Variants in TRPM6 observed in about 807,000 individuals in gnomAD.
TRPM6 encodes the protein channel kinase 2.
Under a neutral mutation model 247.6 loss-of-function variants are expected in TRPM6, and 111 were observed. The observed-to-expected ratio is 0.45, with a 90% CI of 0.38 to 0.52. TRPM6 has a LOEUF of 0.52. Ranked by LOEUF, TRPM6 falls within the 20% of genes least tolerant of loss-of-function variation. The probability of loss-of-function intolerance (pLI) is 0.00; values close to 1 mark genes in which losing one functional copy is unlikely to be tolerated. For missense variants in TRPM6, 2,126 were observed against 2,421.5 expected (o/e 0.88, Z 2.56); for synonymous variants, 892 against 853.8 (o/e 1.04, Z -0.78).
At chr9:74,869,993 T>A (rs148199475) in intron 1 of TRPM6, among the ~76,000 whole-genome samples, 106 of 152,282 alleles carry the variant, frequency 7.0e-4, no homozygotes, top group African/African-American at 2.5e-3. Flanking sequence ...GGTTGCCAAC[T>A]TCAGCATTTA....
chr9:74,815,132 G>A (rs1295268319), intron 11 of TRPM6, among the ~76,000 whole-genome samples: 2 of 152,040 alleles, frequency 1.3e-5, no homozygotes, highest in African/African-American at 4.8e-5. Flanking sequence ...GGGGTGTTAC[G>A]GAAGAGAAGG....
intron 4 of TRPM6, among the ~76,000 whole-genome samples, chr9:74,840,552 C>A (rs775521281): frequency 2.0e-5 from 3 of 152,186 alleles, no homozygotes; most frequent in African/African-American, 4.8e-5. Context: ...CGGTGGCTCA[C>A]GCCTGTAATT....
rs1193017685 is a variant in TRPM6, at chr9:74,827,897, A to G, written c.722T>C (p.Leu241Pro). 1 of 1,613,934 alleles carries G rather than the reference A, an allele frequency of 6.2e-7. No homozygotes were observed. The highest frequency in any genetic ancestry group is 8.5e-7 in the Non-Finnish European group (1 of 1,179,996). ...LDNPLSKLTT[L>P]NSMHSHFILS... The stretch of plus-strand genomic sequence containing the variant: ...GATGAAGTGCGAGTGCATGCTGTTG[A>G]GTGTTGTGAGCTTGCTGAGGGGGTT... The change falls in exon 7 of 39, where the codon CTC becomes CCC. Residue 241 changes from leucine (L) to proline (P), a missense_variant. Leu to Pro is a moderately conservative substitution (Grantham distance 98). This residue lies in a region of TRPM6 where 1,082 missense variants were observed against 1,307.9 expected (regional missense o/e 0.83). Transcript: ENST00000360774.
At chr9:74,769,147 GGTTT>G (rs972508102) in intron 25 of TRPM6, among the ~76,000 whole-genome samples, 3 of 152,002 alleles carry the variant, frequency 2.0e-5, no homozygotes, top group African/African-American at 7.2e-5. Context: ...CTATTTCTGG[GGTTT>G]GTTTGTTTGC....
At chr9:74,739,616 T>C (rs929863597) in intron 34 of TRPM6, 107 bp downstream of exon 34, 25 of 1,549,234 alleles carry the variant, frequency 1.6e-5, no homozygotes, top group Non-Finnish European at 1.9e-5. Context: ...TAAAAAATAA[T>C]AGGCTCCCCT....
At chr9:74,729,672 G>A (rs1825456644) in intron 37 of TRPM6, among the ~76,000 whole-genome samples, 1 of 152,186 alleles carries the variant, frequency 6.6e-6, no homozygotes, top group Non-Finnish European at 1.5e-5. Flanking sequence ...CTTCAATAAG[G>A]TGAAACTGAA....
At chr9:74,773,364 T>C (rs1401814859) in intron 24 of TRPM6, among the ~76,000 whole-genome samples, 1 of 152,248 alleles carries the variant, frequency 6.6e-6, no homozygotes, top group Non-Finnish European at 1.5e-5. Context: ...AGTTTGTGCA[T>C]ACTAAATCCT....
At chr9:74,803,926 C>A (rs373926659) in intron 14 of TRPM6, 40 bp from the exon 15 acceptor site, 2 of 1,211,496 alleles carry the variant, frequency 1.7e-6, no homozygotes, top group Non-Finnish European at 2.5e-6. Context: ...CTCTCTGGCA[C>A]GTTATTATTT....
intron 2 of TRPM6, among the ~76,000 whole-genome samples, chr9:74,858,404 A>C (rs1011469394): frequency 6.6e-6 from 1 of 152,264 alleles, no homozygotes; most frequent in African/African-American, 2.4e-5. Flanking sequence ...ACAAAAACAC[A>C]GATATTTATC....
intron 7 of TRPM6, among the ~76,000 whole-genome samples, chr9:74,824,120 T>C (rs1330385659): frequency 6.6e-6 from 1 of 151,908 alleles, no homozygotes; most frequent in Non-Finnish European, 1.5e-5. Context: ...TGGGCATTTT[T>C]GTGGAAGAGG....
At chr9:74,764,169 T>A (rs1826750372) in intron 25 of TRPM6, among the ~76,000 whole-genome samples, 1 of 151,702 alleles carries the variant, frequency 6.6e-6, no homozygotes, top group African/African-American at 2.4e-5. Context: ...GAGAGATGGC[T>A]ACTATTTGTC....
intron 1 of TRPM6, among the ~76,000 whole-genome samples, chr9:74,861,814 C>G (rs1830696961): frequency 1.3e-5 from 2 of 151,844 alleles, no homozygotes; most frequent in African/African-American, 4.8e-5. Context: ...CTCCTGACCT[C>G]CAAATTTCCC....
intron 23 of TRPM6, among the ~76,000 whole-genome samples, chr9:74,781,981 T>C (rs953810339): frequency 6.6e-6 from 1 of 151,994 alleles, no homozygotes; most frequent in African/African-American, 2.4e-5. Context: ...ATAGCAACCA[T>C]TTACATCGCA....
chr9:74,837,807 T>C (rs925483611), intron 5 of TRPM6, among the ~76,000 whole-genome samples: 17 of 144,602 alleles, frequency 1.2e-4, no homozygotes, highest in Non-Finnish European at 2.1e-4. Context: ...CTGGGTAGAG[T>C]GACATGATCA....
chr9:74,856,499 T>C (rs1325311022), intron 2 of TRPM6, among the ~76,000 whole-genome samples: 2 of 147,338 alleles, frequency 1.4e-5, no homozygotes, highest in East Asian at 4.0e-4. Context: ...GAAGAAGTAT[T>C]AACAGGGAAG....
chr9:74,728,207 AC>A (rs2118678707), intron 38 of TRPM6, 31 bp downstream of exon 38: 1 of 1,443,764 alleles, frequency 6.9e-7, no homozygotes, highest in East Asian at 2.3e-5. Flanking sequence ...TGAGAGATTT[AC>A]TTAGAGAAAA....
chr9:74,764,733 G>A lies in TRPM6; in HGVS notation c.3537-1599C>T, dbSNP rs998330659. The stretch of plus-strand genomic sequence containing the variant: ...TGATTACATAAAAAGAAACTTGTAC[G>A]CAAAAATAGAATACAAAGGCTTAAA... On this transcript the variant is annotated intron_variant, in intron 25 of 38. Coordinates refer to ENST00000360774, the MANE Select transcript of TRPM6 (RefSeq NM_017662.5). 7.2e-5 allele frequency among the ~76,000 whole-genome samples: 11 copies of A among 152,102 alleles called. No homozygotes were observed. In the South Asian group the frequency reaches 1.2e-3, roughly 17 times the overall value.
At chr9:74,878,445 C>T (rs977093497) in intron 1 of TRPM6, among the ~76,000 whole-genome samples, 16 of 152,188 alleles carry the variant, frequency 1.1e-4, no homozygotes, top group African/African-American at 3.9e-4. Context: ...TCCCCATCCC[C>T]AGCAAAACCT....
chr9:74,752,350 T>C lies in TRPM6; in HGVS notation c.4925A>G (p.His1642Arg). 6.3e-7 allele frequency: 1 copy of C among 1,584,972 alleles called. No homozygotes were observed. Among genetic ancestry groups the C allele is most frequent in the African/African-American group, 1.3e-5 (1 of 74,626 alleles). The change falls in exon 29 of 39, where the codon CAT becomes CGT. Residue 1642 changes from histidine (H) to arginine (R), a missense_variant. By Grantham distance (29) the His-to-Arg change is conservative (BLOSUM62 0). Transcript: ENST00000360774. ...AATTTCTTTAGTTTTCATTTTCTGA[T>C]GTATGTAAGGTTCTACACCTTGTAA... is the stretch of plus-strand genomic sequence containing the variant. ...FSHTGVEPYIHQKMKTKEIGQ... is the reference protein window; with the variant it reads ...FSHTGVEPYIRQKMKTKEIGQ...
Sources: allele counts gnomAD v4.1 joint callset (sites outside exome capture counted in the v4.1 genomes callset), GRCh38; gene constraint gnomAD v4.1.1; regional missense constraint gnomAD v4.1.1; transcripts MANE v1.5; gene names NCBI Gene and HGNC (gene_info 2026-07-23, HGNC 2026-07-21).